The following ZC3H13 variants were observed in gnomAD, a reference collection of about 807,000 sequenced individuals.
ZC3H13 encodes zinc finger CCCH domain-containing protein 13.
ZC3H13 carries 64 observed loss-of-function variants against 204.1 expected under a neutral mutation model. The observed-to-expected ratio is 0.31, with a 90% CI of 0.26 to 0.39. ZC3H13 has a LOEUF of 0.39. ZC3H13 is among the 10% of genes least tolerant of loss of function. The probability of loss-of-function intolerance (pLI) is 1.00; values close to 1 mark genes in which losing one functional copy is unlikely to be tolerated. For synonymous variants in ZC3H13, 667 were observed against 693.7 expected (o/e 0.96, Z 0.60); for missense variants, 1,833 against 2,082.7 (o/e 0.88, Z 2.33).
At chr13:46,046,444 G>T (rs2043962081) in intron 1 of ZC3H13, among the ~76,000 whole-genome samples, 1 of 149,084 alleles carries the variant, frequency 6.7e-6, no homozygotes, top group African/African-American at 2.5e-5. Flanking sequence ...GGATCATGAG[G>T]TCAGGAGATC....
At chr13:45,968,317 T>A (rs1276009740) in intron 14 of ZC3H13, among the ~76,000 whole-genome samples, 1 of 152,044 alleles carries the variant, frequency 6.6e-6, no homozygotes, top group Non-Finnish European at 1.5e-5. Flanking sequence ...CCATAAAATA[T>A]CTTCCAAGAA....
chr13:46,024,555 G>A (rs1001414094), intron 4 of ZC3H13, among the ~76,000 whole-genome samples: 1 of 151,990 alleles, frequency 6.6e-6, no homozygotes, highest in Non-Finnish European at 1.5e-5. Flanking sequence ...ATGGGGATTT[G>A]TCTTTCTGTA....
In ZC3H13 at chr13:45,975,644, T is replaced by C; in HGVS notation, c.2107A>G (p.Lys703Glu). The C allele has an allele frequency of 2.5e-6, 4 of 1,593,260 alleles. No individual in the cohort carries two copies. The highest frequency in any genetic ancestry group is 3.4e-6 in the Non-Finnish European group (4 of 1,169,238). ...CGCTCTCTTTCTAGTTCTCTCTCTT[T>C]TTCTCTTTCCCGATCCCGTTCACGT... ...RERERDRERE[K>E]ERELERERAR... is the part of the protein sequence containing the mutation. The change falls in exon 12 of 19, where the codon AAA (lysine) becomes GAA (glutamate). Residue 703 changes from lysine (K) to glutamate (E), a missense_variant. This residue lies in a region of ZC3H13 where 1,574 missense variants were observed against 1,757.2 expected (regional missense o/e 0.90). Coordinates refer to ENST00000679008, the MANE Select transcript of ZC3H13 (RefSeq NM_001330564.2).
chr13:46,013,736 A>G (rs1387850330), intron 5 of ZC3H13, among the ~76,000 whole-genome samples: 4 of 152,228 alleles, frequency 2.6e-5, no homozygotes, highest in Admixed American at 6.5e-5. Context: ...TTTGCCTTAT[A>G]AAAATTGATT....
chr13:45,993,861 G>A (rs2040142502), intron 8 of ZC3H13, among the ~76,000 whole-genome samples: 1 of 152,142 alleles, frequency 6.6e-6, no homozygotes. Context: ...AATACATAAT[G>A]ATACTTGTAA....
At chr13:46,024,734 TTTTTTTCTTCTGGGTTTCCAACTAGA>T (rs2042434773) in intron 4 of ZC3H13, among the ~76,000 whole-genome samples, 1 of 152,152 alleles carries the variant, frequency 6.6e-6, no homozygotes, top group South Asian at 2.1e-4. Flanking sequence ...CATTCTTTTT[TTTTTTTCTTCTGGGTTTCCAACTAGA>T]TGCATATTGA....
At chr13:46,048,856 C>T (rs2044191688) in intron 1 of ZC3H13, among the ~76,000 whole-genome samples, 1 of 152,082 alleles carries the variant, frequency 6.6e-6, no homozygotes, top group South Asian at 2.1e-4. Context: ...TGTGGCCAAG[C>T]GCAGTGACTC....
In ZC3H13 at chr13:46,052,623, G is replaced by A. The variant is rs2044566697; in HGVS notation, c.-229C>T. On this transcript the variant is annotated 5_prime_UTR_variant, in exon 1 of 19. Coordinates refer to ENST00000679008, the MANE Select transcript of ZC3H13 (RefSeq NM_001330564.2). ...CCAACCCGCCCGCCGCCTCTCCAGG[G>A]TCAAGCGAAACTGGGTCGCAGGAAG... 7 of 398,792 alleles carry A rather than the reference G, an allele frequency of 1.8e-5. No individual in the cohort carries two copies. In the South Asian group the frequency reaches 3.8e-4, roughly 22 times the overall value. 24.7% of individuals were successfully genotyped at this position (398,792 alleles called of 1,614,324 possible). A position where few individuals can be genotyped will look rare whatever the true frequency, so the allele number is the denominator to read the frequency against.
At chr13:46,042,025 TA>T in intron 4 of ZC3H13, 138 bp downstream of exon 4, 1 of 588,610 alleles carries the variant, frequency 1.7e-6, no homozygotes, top group Non-Finnish European at 2.8e-6. Flanking sequence ...TCTTTCCCTC[TA>T]AATTACATTA....
Position 45,985,748 on chromosome 13 carries a change from T to C in ZC3H13, c.1269A>G (p.Lys423=). 1 of 1,607,188 alleles carries C rather than the reference T, an allele frequency of 6.2e-7. No homozygotes were observed. The stretch of plus-strand genomic sequence containing the variant: ...CTCTTGAGTCCTTTTCTCTGTCTCG[T>C]TTGCCCCTAGTATCTGTAATGCAAT... ...RHERREDTRG[K]RDREKDSREE... Residue 423 remains lysine, a synonymous_variant, in exon 10 of 19, where the codon AAA becomes AAG. Coordinates refer to ENST00000679008, the MANE Select transcript of ZC3H13 (RefSeq NM_001330564.2).
intron 9 of ZC3H13, among the ~76,000 whole-genome samples, chr13:45,987,933 T>C (rs1049712270): frequency 1.3e-5 from 2 of 152,194 alleles, no homozygotes; most frequent in African/African-American, 2.4e-5. Context: ...TCAGCTTGAA[T>C]AGGGAGTAGC....
At chr13:46,047,578 T>G (rs762748619) in intron 1 of ZC3H13, among the ~76,000 whole-genome samples, 4 of 148,936 alleles carry the variant, frequency 2.7e-5, no homozygotes, top group Non-Finnish European at 5.9e-5. Context: ...AAATTTCCTA[T>G]GTCTATTTGA....
intron 5 of ZC3H13, among the ~76,000 whole-genome samples, chr13:46,020,125 T>A (rs1410683381): frequency 1.3e-5 from 2 of 152,272 alleles, no homozygotes; most frequent in Non-Finnish European, 2.9e-5. Flanking sequence ...AAAACAAATA[T>A]AGATTTCATT....
intron 18 of ZC3H13, 106 bp downstream of exon 18, chr13:45,959,377 C>G: frequency 8.5e-7 from 1 of 1,175,312 alleles, no homozygotes; most frequent in Non-Finnish European, 1.1e-6. Context: ...ATTAGGAAAC[C>G]AAACTCATAA....
rs373494907 is a variant in ZC3H13 at position 45,969,286 on chromosome 13, G to A, written c.3258C>T (p.Thr1086=). 5.7e-5 allele frequency: 92 copies of A among 1,613,872 alleles called. 1 individual carries two copies. In the South Asian group the frequency reaches 8.3e-4, roughly 15 times the overall value. The change falls in exon 14 of 19, where the codon ACC becomes ACT. Residue 1086 remains threonine (T), a synonymous_variant. Transcript: ENST00000679008. ...AAGGGGTACTACCAGGAGTCGTGGCGGTGGCAGTATGCTCTGCTTCTGTCA... is the reference window on the plus strand; with the variant it reads ...AAGGGGTACTACCAGGAGTCGTGGCAGTGGCAGTATGCTCTGCTTCTGTCA... The part of the protein sequence containing the change: ...TEVTEAEHTA[T]ATTPGSTPSP...
At chr13:45,982,021 TAATAA>T (rs1305221867) in intron 10 of ZC3H13, among the ~76,000 whole-genome samples, 1 of 148,132 alleles carries the variant, frequency 6.8e-6, no homozygotes, top group Admixed American at 6.7e-5. Context: ...AGTATAATAA[TAATAA>T]AATAATAAAT....
At chr13:46,033,399 A>T (rs1265631879) in intron 4 of ZC3H13, among the ~76,000 whole-genome samples, 1 of 152,128 alleles carries the variant, frequency 6.6e-6, no homozygotes, top group East Asian at 1.9e-4. Flanking sequence ...GTATAACACT[A>T]TTAGCAATAA....
At chr13:45,979,664 T>C in intron 11 of ZC3H13, 149 bp downstream of exon 11, 1 of 743,688 alleles carries the variant, frequency 1.3e-6, no homozygotes, top group Non-Finnish European at 2.0e-6. Flanking sequence ...GAACAAAGAT[T>C]ATATGAGTAT....
At chr13:45,968,642 A>C (rs1466476320) in intron 14 of ZC3H13, 106 bp downstream of exon 14, 40 of 1,414,686 alleles carry the variant, frequency 2.8e-5, no homozygotes, top group Non-Finnish European at 3.7e-5. Flanking sequence ...CATAAAATTT[A>C]AGGCAGCATG....
Sources: gnomAD v4.1 joint callset for allele counts (sites outside exome capture counted in the v4.1 genomes callset) on GRCh38, gnomAD v4.1.1 for gene constraint, gnomAD v4.1.1 regional missense constraint, MANE v1.5 for transcripts, NCBI Gene and HGNC (gene_info 2026-07-23, HGNC 2026-07-21) for gene names.